The following CSPG5 variants were observed in gnomAD, a reference collection of about 807,000 sequenced individuals.
CSPG5 encodes acidic leucine-rich EGF-like domain-containing brain protein.
A neutral mutation model predicts 39.8 loss-of-function variants in CSPG5; 25 were observed. The ratio of observed to expected loss-of-function variants is 0.63; its 90% CI spans 0.46 to 0.88. The LOEUF is 0.88. Among genes scored for constraint, CSPG5 ranks in the 40% least tolerant of loss-of-function variants. The pLI is 0.00. For missense variants in CSPG5, 627 were observed against 702.2 expected (o/e 0.89, Z 1.21); for synonymous variants, 295 against 303.9 (o/e 0.97, Z 0.31).
upstream of CSPG5, chr3:47,579,927 G>A (rs894645852): frequency 3.3e-5 from 5 of 152,220 alleles, no homozygotes; most frequent in Admixed American, 6.5e-5. The surrounding 1 kb of genome is among the most constrained non-coding windows in gnomAD (Gnocchi z 4.2). Flanking sequence ...AAGGAGATAG[G>A]ACAACTCCAG....
At chr3:47,579,163 C>G (rs1185935876), upstream of CSPG5, 1 of 152,212 alleles carries the variant, frequency 6.6e-6, no homozygotes, top group East Asian at 1.9e-4. This position sits in a 1 kb window ranked among gnomAD's most constrained non-coding sequence, Gnocchi z 4.2. Context: ...GGCACGGGGC[C>G]CCGACCCGGA....
chr3:47,576,521 C>T (rs1258185398), intron 2 of CSPG5, among the ~76,000 whole-genome samples: 2 of 149,510 alleles, frequency 1.3e-5, no homozygotes, highest in East Asian at 2.0e-4. Flanking sequence ...GGCAGTGGCA[C>T]GATCTTGGCT....
chr3:47,578,214 G>T lies in CSPG5; in HGVS notation c.98-286C>A. On this transcript the variant is annotated intron_variant, in intron 1 of 4. Coordinates refer to ENST00000264723, the MANE Select transcript of CSPG5 (RefSeq NM_006574.4). This position sits in a 1 kb window ranked among gnomAD's most constrained non-coding sequence, Gnocchi z 6.0. ...CCAGGCCAGGGCGGCCCCCAGCTCGGCCCACCCATAAGTCTCACCCTCGGG... is the reference window on the plus strand; with the variant it reads ...CCAGGCCAGGGCGGCCCCCAGCTCGTCCCACCCATAAGTCTCACCCTCGGG... The T allele has an allele frequency of 2.7e-6, 1 of 375,984 alleles. No homozygotes were observed. 23.3% of individuals were successfully genotyped at this position (375,984 alleles called of 1,614,324 possible). A position where few individuals can be genotyped will look rare whatever the true frequency, so the allele number is the denominator to read the frequency against.
chr3:47,567,810 G>A lies in CSPG5; in HGVS notation c.1458+1342C>T, dbSNP rs562223434. On this transcript the variant is annotated intron_variant, in intron 4 of 4. Transcript: ENST00000264723. ...GAAGATCACTTGAGCCCAGGGGTTC[G>A]AGACCAGCCTGGGCAACATGGCAAA... 1.6e-4 allele frequency among the ~76,000 whole-genome samples: 25 copies of A among 152,240 alleles called. 2 individuals are homozygous for A. The highest frequency in any genetic ancestry group is 4.3e-4 in the African/African-American group (18 of 41,550).
chr3:47,565,816 G>A (rs2031275559), intron 4 of CSPG5, among the ~76,000 whole-genome samples: 1 of 152,238 alleles, frequency 6.6e-6, no homozygotes, highest in African/African-American at 2.4e-5. Context: ...AGGACCATCA[G>A]GGCAGCCCAG....
intron 4 of CSPG5, among the ~76,000 whole-genome samples, chr3:47,568,037 C>G (rs550303458): frequency 6.6e-6 from 1 of 152,296 alleles, no homozygotes; most frequent in East Asian, 1.9e-4. Flanking sequence ...AGAACACTTC[C>G]ATTTCACAGA....
chr3:47,571,137 C>T (rs1287838578), intron 3 of CSPG5, among the ~76,000 whole-genome samples: 1 of 150,836 alleles, frequency 6.6e-6, no homozygotes. Flanking sequence ...AGACACAATC[C>T]AATTTCAGAG....
intron 4 of CSPG5, among the ~76,000 whole-genome samples, chr3:47,563,974 A>T (rs1365888459): frequency 6.6e-6 from 1 of 152,146 alleles, no homozygotes; most frequent in Non-Finnish European, 1.5e-5. Flanking sequence ...CTTTAGGACC[A>T]CCTAAGGGGA....
In CSPG5 at chr3:47,577,013, G is replaced by T; in HGVS notation, c.1013C>A (p.Ala338Asp). 1 of 1,613,236 alleles carries T rather than the reference G, an allele frequency of 6.2e-7. No individual in the cohort carries two copies. The highest frequency in any genetic ancestry group is 8.5e-7 in the Non-Finnish European group (1 of 1,179,578). Reference protein sequence around the residue: ...TLGSVPGSSIALRPRPGEPGR... With the variant: ...TLGSVPGSSIDLRPRPGEPGR... ...TGGCTCTCCTGGGCGGGGCCTGAGG[G>T]CGATGCTGCTGCCGGGGACCGACCC... Residue 338 changes from alanine to aspartate, a missense_variant, in exon 2 of 5, where the codon GCC becomes GAC. Transcript: ENST00000264723. The surrounding 1 kb of genome is among the most constrained non-coding windows in gnomAD (Gnocchi z 4.7).
chr3:47,563,553 G>GTATT (rs1346850585), intron 4 of CSPG5, among the ~76,000 whole-genome samples: 1 of 152,046 alleles, frequency 6.6e-6, no homozygotes, highest in Non-Finnish European at 1.5e-5. Context: ...ATTTATTGAT[G>GTATT]TATTTATTTA....
At chr3:47,574,771 T>C (rs958748085) in intron 2 of CSPG5, among the ~76,000 whole-genome samples, 1 of 151,784 alleles carries the variant, frequency 6.6e-6, no homozygotes, top group Non-Finnish European at 1.5e-5. Context: ...AATCCCGTCT[T>C]TACTAAAAAT....
Position 47,577,039 on chromosome 3 carries a change from C to G in CSPG5, c.987G>C (p.Leu329=), listed in dbSNP as rs376005436. The change falls in exon 2 of 5, where the codon CTG becomes CTC. Residue 329 remains leucine (L), a synonymous_variant. Transcript: ENST00000264723. This position sits in a 1 kb window ranked among gnomAD's most constrained non-coding sequence, Gnocchi z 4.7. ...RWHAVPPQHT[L]GSVPGSSIAL... is the part of the protein sequence containing the mutation. The stretch of plus-strand genomic sequence containing the variant: ...CGATGCTGCTGCCGGGGACCGACCC[C>G]AGAGTGTGCTGTGGAGGGACAGCAT... The G allele has an allele frequency of 3.7e-6, 6 of 1,613,408 alleles. No homozygotes were observed. The highest frequency in any genetic ancestry group is 5.1e-6 in the Non-Finnish European group (6 of 1,179,810).
Position 47,576,954 on chromosome 3 carries a change from C to T in CSPG5, c.1072G>A (p.Glu358Lys), listed in dbSNP as rs1456004791. 6.2e-7 allele frequency: 1 copy of T among 1,613,660 alleles called. No individual in the cohort carries two copies. The highest frequency in any genetic ancestry group is 8.5e-7 in the Non-Finnish European group (1 of 1,179,828). The change falls in exon 2 of 5, where the codon GAG becomes AAG. Residue 358 changes from glutamate to lysine, a missense_variant. Transcript: ENST00000264723. ...RDLASSENGT[E>K]CRSGFVRHNG... ...TGCCGCACAAAGCCACTGCGGCACTCAGTGCCATTTTCACTGGAGGCCAAG... is the reference window on the plus strand; with the variant it reads ...TGCCGCACAAAGCCACTGCGGCACTTAGTGCCATTTTCACTGGAGGCCAAG...
chr3:47,572,465 A>G lies in CSPG5; in HGVS notation c.1382+221T>C, dbSNP rs185160828. Among the ~76,000 whole-genome samples, 1 of 152,234 alleles carries G rather than the reference A, an allele frequency of 6.6e-6. No individual in the cohort carries two copies. The highest frequency in any genetic ancestry group is 2.1e-4 in the South Asian group (1 of 4,834). The stretch of plus-strand genomic sequence containing the variant: ...TTTGGGAAAGCTGCTGGACAGTGGC[A>G]GTGTGCCACAGGGGCTTCACCTCTG... On this transcript the variant is annotated intron_variant, in intron 3 of 4. Transcript: ENST00000264723. This position sits in a 1 kb window ranked among gnomAD's most constrained non-coding sequence, Gnocchi z 4.5.
At chr3:47,576,138 T>C (rs2031719628) in intron 2 of CSPG5, among the ~76,000 whole-genome samples, 1 of 151,990 alleles carries the variant, frequency 6.6e-6, no homozygotes, top group South Asian at 2.1e-4. Flanking sequence ...GGTTTCTCCA[T>C]GTTGGTCAGG....
At chr3:47,574,325 G>A (rs2031629587) in intron 2 of CSPG5, among the ~76,000 whole-genome samples, 1 of 152,124 alleles carries the variant, frequency 6.6e-6, no homozygotes, top group Admixed American at 6.6e-5. Flanking sequence ...ACTATTATGG[G>A]GAGTTCACTT....
At position 47,577,834 on chromosome 3, in the gene CSPG5, G is replaced by C. The variant is rs1004553866; in HGVS notation, c.192C>G (p.Gly64=). 2.4e-5 allele frequency: 37 copies of C among 1,564,074 alleles called. No individual in the cohort carries two copies. The highest frequency in any genetic ancestry group is 3.0e-5 in the Non-Finnish European group (35 of 1,165,762). Residue 64 remains glycine (G), a synonymous_variant, in exon 2 of 5, where the codon GGC becomes GGG. Transcript: ENST00000264723. This position sits in a 1 kb window ranked among gnomAD's most constrained non-coding sequence, Gnocchi z 4.7. ...PPANDTREEA[G]PPAAGEDEAS... is the part of the protein sequence containing the mutation. ...CCTCATCTTCCCCAGCCGCTGGTGG[G>C]CCGGCTTCTTCCCGCGTGTCGTTGG...
At position 47,577,022 on chromosome 3, in the gene CSPG5, C is replaced by G; in HGVS notation, c.1004G>C (p.Ser335Thr). ...PQHTLGSVPG[S>T]SIALRPRPGE... The stretch of plus-strand genomic sequence containing the variant: ...TGGGCGGGGCCTGAGGGCGATGCTG[C>G]TGCCGGGGACCGACCCCAGAGTGTG... Residue 335 changes from serine to threonine, a missense_variant, in exon 2 of 5, where the codon AGC (serine) becomes ACC (threonine). Transcript: ENST00000264723. The surrounding 1 kb of genome is among the most constrained non-coding windows in gnomAD (Gnocchi z 4.7). The G allele has an allele frequency of 6.2e-7, 1 of 1,612,824 alleles. No homozygotes were observed. Among genetic ancestry groups the G allele is most frequent in the Non-Finnish European group, 8.5e-7 (1 of 1,179,426 alleles).
chr3:47,565,766 C>T (rs1476725346), intron 4 of CSPG5, among the ~76,000 whole-genome samples: 1 of 152,056 alleles, frequency 6.6e-6, no homozygotes, highest in Non-Finnish European at 1.5e-5. Context: ...AATCTTAGCA[C>T]AACCCAAGTT....
Sources: gnomAD v4.1 joint callset for allele counts (sites outside exome capture counted in the v4.1 genomes callset) on GRCh38, gnomAD v4.1.1 for gene constraint, Gnocchi (gnomAD v3.1) non-coding constraint, MANE v1.5 for transcripts, NCBI Gene and HGNC (gene_info 2026-07-23, HGNC 2026-07-21) for gene names.